Variants in HDAC2 observed in about 807,000 individuals in gnomAD.
HDAC2 encodes YY1-associated factor 1.
HDAC2 carries 5 observed loss-of-function variants against 68.5 expected under a neutral mutation model. The observed-to-expected ratio is 0.07, with a 90% CI of 0.04 to 0.15. The LOEUF (loss-of-function observed/expected upper bound fraction) is 0.15. HDAC2 is among the 10% of genes least tolerant of loss of function. HDAC2 has a pLI of 1.00. For synonymous variants in HDAC2, 182 were observed against 191.3 expected (o/e 0.95, Z 0.40); for missense variants, 291 against 600.8 (o/e 0.48, Z 5.39).
At position 113,940,962 on chromosome 6, in the gene HDAC2, T is replaced by A; in HGVS notation, c.*96A>T. 1 of 894,736 alleles carries A rather than the reference T, an allele frequency of 1.1e-6. No homozygotes were observed. The highest frequency in any genetic ancestry group is 2.3e-5 in the Admixed American group (1 of 43,120). 55.4% of individuals were successfully genotyped at this position (894,736 alleles called of 1,614,324 possible). ...AAAATAAATACAGTCCATGCCAAAG[T>A]AGTATAAAATGAAGCCAGAAGTCTT... On this transcript the variant is annotated 3_prime_UTR_variant, in exon 14 of 14. Transcript: ENST00000519065.
intron 1 of HDAC2, among the ~76,000 whole-genome samples, chr6:113,961,629 C>T (rs1776685537): frequency 6.6e-6 from 1 of 152,122 alleles, no homozygotes; most frequent in African/African-American, 2.4e-5. Context: ...AAAGCTCTAC[C>T]TTACATGGTG....
chr6:113,970,360 A>C, intron 1 of HDAC2: 1 of 643,800 alleles, frequency 1.6e-6, no homozygotes, highest in Non-Finnish European at 1.9e-6. Context: ...AGGGAAGGGG[A>C]CGGGAGGGGC....
intron 12 of HDAC2, among the ~76,000 whole-genome samples, chr6:113,942,593 G>C (rs1227802877): frequency 6.6e-6 from 1 of 152,118 alleles, no homozygotes. Flanking sequence ...ATTAGGAAAT[G>C]CATCAAGTGC....
At chr6:113,955,883 A>C (rs1776541793) in intron 5 of HDAC2, 130 bp downstream of exon 5, 1 of 623,888 alleles carries the variant, frequency 1.6e-6, no homozygotes. Context: ...TAATGAATTC[A>C]TAGAAAATTC....
At chr6:113,955,151 A>T (rs928029149) in intron 5 of HDAC2, among the ~76,000 whole-genome samples, 9 of 152,234 alleles carry the variant, frequency 5.9e-5, no homozygotes, top group African/African-American at 2.2e-4. Context: ...ACTAAAATGA[A>T]AATTGCCAAA....
At chr6:113,944,241 T>C in intron 11 of HDAC2, 39 bp downstream of exon 11, 1 of 1,561,770 alleles carries the variant, frequency 6.4e-7, no homozygotes, top group East Asian at 2.2e-5. Flanking sequence ...ATTTCAATTA[T>C]CATTTTGACA....
chr6:113,940,734 AATAAAG>A lies in HDAC2; in HGVS notation c.*318_*323del. On this transcript the variant is annotated 3_prime_UTR_variant, in exon 14 of 14. Coordinates refer to ENST00000519065, the MANE Select transcript of HDAC2 (RefSeq NM_001527.4). ...AAAGATAATCCAAGTACAATTTTTT[AATAAAG>A]ATAATTACAAAAGATGGAAAAATCA... 1 of 226,266 alleles carries A rather than the reference AATAAAG, an allele frequency of 4.4e-6. No homozygotes were observed. The highest frequency in any genetic ancestry group is 8.6e-6 in the Non-Finnish European group (1 of 115,684). 14.0% of individuals were successfully genotyped at this position (226,266 alleles called of 1,614,324 possible). A position where few individuals can be genotyped will look rare whatever the true frequency, so the allele number is the denominator to read the frequency against.
At chr6:113,960,807 G>A (rs993724216) in intron 1 of HDAC2, among the ~76,000 whole-genome samples, 7 of 152,096 alleles carry the variant, frequency 4.6e-5, no homozygotes, top group South Asian at 2.1e-4. Context: ...AATATATAAA[G>A]TCAACCCTCT....
At chr6:113,941,124 C>G in intron 13 of HDAC2, 36 bp from the exon 14 acceptor site, 1 of 1,579,922 alleles carries the variant, frequency 6.3e-7, no homozygotes, top group East Asian at 2.3e-5. Context: ...TTAAAAATGG[C>G]ACAATCTTGG....
intron 3 of HDAC2, 195 bp from the exon 4 acceptor site, chr6:113,956,888 A>G: frequency 1.9e-6 from 1 of 513,334 alleles, no homozygotes; most frequent in Non-Finnish European, 3.5e-6. Context: ...GTTATCTGTG[A>G]AAGATCATCA....
At position 113,940,445 on chromosome 6, in the gene HDAC2, T is replaced by C. The variant is rs867027685; in HGVS notation, c.*613A>G. 2 of 152,230 alleles carry C rather than the reference T, an allele frequency of 1.3e-5. No individual in the cohort carries two copies. The highest frequency in any genetic ancestry group is 2.4e-5 in the African/African-American group (1 of 41,462). The allele number at this position is 152,230 out of a possible 1,614,324, so 9.4% of individuals were successfully genotyped here. A position where few individuals can be genotyped will look rare whatever the true frequency, so the allele number is the denominator to read the frequency against. On this transcript the variant is annotated 3_prime_UTR_variant, in exon 14 of 14. Transcript: ENST00000519065. ...AACTCAAAGAACTCCTACATCTCAA[T>C]TGCAGAGTCTGTATTATTTCATAAA...
At chr6:113,956,520 A>G (rs1179865775) in intron 4 of HDAC2, 99 bp downstream of exon 4, 3 of 811,964 alleles carry the variant, frequency 3.7e-6, no homozygotes, top group Non-Finnish European at 6.3e-6. Context: ...TTTGTTATCA[A>G]AATTCACAAT....
chr6:113,952,175 C>T (rs551375583), intron 6 of HDAC2, among the ~76,000 whole-genome samples: 2 of 152,274 alleles, frequency 1.3e-5, no homozygotes, highest in South Asian at 4.2e-4. Context: ...ATCTGCTTTC[C>T]TCAGTTTAGG....
In HDAC2 at chr6:113,970,838, C is replaced by T; in HGVS notation, c.52+19G>A. 2 of 1,535,552 alleles carry T rather than the reference C, an allele frequency of 1.3e-6. No individual in the cohort carries two copies. Among genetic ancestry groups the T allele is most frequent in the Non-Finnish European group, 1.7e-6 (2 of 1,144,326 alleles). ...GCCCGGCCCCGCGCGCCCACCCCGA[C>T]ACCGGCCCGGCCGCTCACCGTCGTA... is the stretch of plus-strand genomic sequence containing the variant. On this transcript the variant is annotated intron_variant, in intron 1 of 13. Coordinates refer to ENST00000519065, the MANE Select transcript of HDAC2 (RefSeq NM_001527.4).
In HDAC2 at chr6:113,938,449, T is replaced by C. The variant is rs544073666; in HGVS notation, c.*2609A>G. 42 of 152,298 alleles carry C rather than the reference T, an allele frequency of 2.8e-4. No homozygotes were observed. Among genetic ancestry groups the C allele is most frequent in the African/African-American group, 9.9e-4 (41 of 41,580 alleles). The allele number at this position is 152,298 out of a possible 1,614,324, so 9.4% of individuals were successfully genotyped here. On this transcript the variant is annotated 3_prime_UTR_variant, in exon 14 of 14. Transcript: ENST00000519065. ...TTTTTTTTTGTTATCAAATATATCT[T>C]TTATAGTTGAGTTTGGTGTCACACT...
intron 1 of HDAC2, among the ~76,000 whole-genome samples, chr6:113,962,129 T>C (rs1291938021): frequency 1.3e-5 from 2 of 152,074 alleles, no homozygotes; most frequent in Non-Finnish European, 2.9e-5. Context: ...GAGTGCTTAC[T>C]AGAAGGCACT....
intron 4 of HDAC2, 59 bp from the exon 5 acceptor site, chr6:113,956,210 G>GA (rs1776549166): frequency 2.1e-6 from 3 of 1,415,004 alleles, no homozygotes; most frequent in African/African-American, 1.4e-5. Context: ...GTAGTAGAAT[G>GA]AGACAAAAAC....
At chr6:113,962,756 G>A (rs1776716626) in intron 1 of HDAC2, among the ~76,000 whole-genome samples, 1 of 151,822 alleles carries the variant, frequency 6.6e-6, no homozygotes, top group Non-Finnish European at 1.5e-5. Context: ...GAAGTCAAGA[G>A]ATCGAGACCT....
chr6:113,940,817 ACT>A lies in HDAC2; in HGVS notation c.*239_*240del, dbSNP rs1166409960. 7.7e-6 allele frequency: 3 copies of A among 388,058 alleles called. No individual in the cohort carries two copies. Among genetic ancestry groups the A allele is most frequent in the African/African-American group, 4.1e-5 (2 of 48,202 alleles). The allele number at this position is 388,058 out of a possible 1,614,324, so 24.0% of individuals were successfully genotyped here. A position where few individuals can be genotyped will look rare whatever the true frequency, so the allele number is the denominator to read the frequency against. On this transcript the variant is annotated 3_prime_UTR_variant, in exon 14 of 14. Coordinates refer to ENST00000519065, the MANE Select transcript of HDAC2 (RefSeq NM_001527.4). ...ATAGATCAGTTTTTTTGACATAATA[ACT>A]CACATCAATTTTAAATACTATCACA...
Sources: allele counts gnomAD v4.1 joint callset (sites outside exome capture counted in the v4.1 genomes callset), GRCh38; gene constraint gnomAD v4.1.1; transcripts MANE v1.5; gene names NCBI Gene and HGNC (gene_info 2026-07-23, HGNC 2026-07-21).